WIPI2: variants seen among roughly 807,000 people sequenced by gnomAD.
The protein encoded by WIPI2 is WD repeat domain phosphoinositide-interacting protein 2.
Under a neutral mutation model 52.3 loss-of-function variants are expected in WIPI2, and 28 were observed. That is an observed-to-expected ratio of 0.54 (90% CI 0.40 to 0.73). WIPI2 has a LOEUF of 0.73. Ranked by LOEUF, WIPI2 falls within the 30% of genes least tolerant of loss-of-function variation. WIPI2 has a pLI of 0.00. For synonymous variants in WIPI2, 268 were observed against 245.0 expected (o/e 1.09, Z -0.88); for missense variants, 506 against 602.9 (o/e 0.84, Z 1.68).
rs139191182 is a variant in WIPI2 at position 5,190,962 on chromosome 7, C to T, written c.74+469C>T. ...CTTTTCATCGTCTTAAGACCCTTCT[C>T]TCTCTCTTGATTTTCTTTTCTTCGT... On this transcript the variant is annotated intron_variant, in intron 1 of 12. Coordinates refer to ENST00000288828, the MANE Select transcript of WIPI2 (RefSeq NM_015610.4). 3.6e-3 allele frequency: 566 copies of T among 156,918 alleles called. 6 individuals are homozygous for T. Among genetic ancestry groups the T allele is most frequent in the African/African-American group, 0.013 (531 of 41,656 alleles). 9.7% of individuals were successfully genotyped at this position (156,918 alleles called of 1,614,324 possible). A position where few individuals can be genotyped will look rare whatever the true frequency, so the allele number is the denominator to read the frequency against.
intron 8 of WIPI2, among the ~76,000 whole-genome samples, chr7:5,223,622 C>G (rs1283053911): frequency 6.6e-6 from 1 of 152,200 alleles, no homozygotes; most frequent in Non-Finnish European, 1.5e-5. Flanking sequence ...AACCCCCTTC[C>G]TCACCCCCGT....
chr7:5,201,999 A>G (rs964512850), intron 3 of WIPI2, among the ~76,000 whole-genome samples: 2 of 152,112 alleles, frequency 1.3e-5, no homozygotes, highest in Admixed American at 6.5e-5. Context: ...GTTAGCTACT[A>G]AGTGAAATGT....
chr7:5,191,425 G>C (rs557155692), intron 1 of WIPI2, among the ~76,000 whole-genome samples: 3 of 152,202 alleles, frequency 2.0e-5, no homozygotes, highest in Non-Finnish European at 4.4e-5. Context: ...ACTGAGCCAA[G>C]AGAGGCGTTA....
At chr7:5,217,234 T>G (rs754615500) in intron 6 of WIPI2, 47 bp downstream of exon 6, 1 of 1,597,634 alleles carries the variant, frequency 6.3e-7, no homozygotes, top group Non-Finnish European at 8.6e-7. Flanking sequence ...TGTGGCTTTT[T>G]CCTGAAGAGG....
chr7:5,229,507 G>T (rs1418206455), intron 11 of WIPI2, 101 bp from the exon 12 acceptor site: 1 of 1,422,028 alleles, frequency 7.0e-7, no homozygotes, highest in South Asian at 1.3e-5. Context: ...CCTGTGTGGT[G>T]AGTGGTGTGC....
At chr7:5,229,234 C>G (rs1349000407) in intron 11 of WIPI2, among the ~76,000 whole-genome samples, 1 of 152,058 alleles carries the variant, frequency 6.6e-6, no homozygotes, top group Non-Finnish European at 1.5e-5. Flanking sequence ...CCAGGATGGT[C>G]TCCGTCTCCT....
At chr7:5,204,839 G>C (rs896996174) in intron 3 of WIPI2, among the ~76,000 whole-genome samples, 1 of 152,116 alleles carries the variant, frequency 6.6e-6, no homozygotes, top group Admixed American at 6.5e-5. Context: ...ACACCACCAT[G>C]CCCAGCTAAT....
At chr7:5,219,202 T>G (rs1782968105) in intron 7 of WIPI2, among the ~76,000 whole-genome samples, 1 of 151,852 alleles carries the variant, frequency 6.6e-6, no homozygotes, top group African/African-American at 2.4e-5. Context: ...TAGCAAGGGC[T>G]CAGAAAGGTT....
At chr7:5,198,715 G>C (rs1781872570) in intron 2 of WIPI2, among the ~76,000 whole-genome samples, 1 of 152,168 alleles carries the variant, frequency 6.6e-6, no homozygotes, top group Non-Finnish European at 1.5e-5. Context: ...CTGATTCCTT[G>C]TGCTTATATC....
chr7:5,216,652 C>T lies in WIPI2; in HGVS notation c.471C>T (p.Asn157=). The T allele has an allele frequency of 6.2e-7, 1 of 1,614,154 alleles. No individual in the cohort carries two copies. The highest frequency in any genetic ancestry group is 8.5e-7 in the Non-Finnish European group (1 of 1,179,984). Residue 157 remains asparagine, a synonymous_variant, in exon 5 of 13, where the codon AAC becomes AAT. Transcript: ENST00000288828. ...ATACGATCAGGGAGACGCCTCCAAACCCTGCAGGTGAGCTAACTTGTGAGG... is the reference window on the plus strand; with the variant it reads ...ATACGATCAGGGAGACGCCTCCAAATCCTGCAGGTGAGCTAACTTGTGAGG... ...VLHTIRETPP[N]PAGLCALSIN... is the part of the protein sequence containing the mutation.
Position 5,227,006 on chromosome 7 carries a change from T to G in WIPI2, c.849-174T>G. On this transcript the variant is annotated intron_variant, in intron 9 of 12. Transcript: ENST00000288828. The surrounding 1 kb of genome is among the most constrained non-coding windows in gnomAD (Gnocchi z 8.1). ...TCCCCCGACACCTCCCAGAGGAAGC[T>G]CCGTGATGCCCCTGGGGCCCTGAGT... 1.2e-6 allele frequency: 1 copy of G among 820,972 alleles called. No individual in the cohort carries two copies. The highest frequency in any genetic ancestry group is 1.9e-6 in the Non-Finnish European group (1 of 532,276). The allele number at this position is 820,972 out of a possible 1,614,324, so 50.9% of individuals were successfully genotyped here.
At chr7:5,214,253 C>T in intron 3 of WIPI2, 1 of 1,375,836 alleles carries the variant, frequency 7.3e-7, no homozygotes, top group Middle Eastern at 2.8e-4. Context: ...CCTAAACTCA[C>T]CATTCAAATC....
At chr7:5,204,335 C>T (rs1053788787) in intron 3 of WIPI2, among the ~76,000 whole-genome samples, 12 of 152,088 alleles carry the variant, frequency 7.9e-5, no homozygotes, top group East Asian at 1.9e-4. Context: ...GACATGGTGG[C>T]GCGCTCCTGT....
At chr7:5,206,952 A>AT (rs971146801) in intron 3 of WIPI2, among the ~76,000 whole-genome samples, 2 of 151,832 alleles carry the variant, frequency 1.3e-5, no homozygotes, top group Non-Finnish European at 2.9e-5. Context: ...TAATTTTTCG[A>AT]TTTTTTTGTA....
intron 3 of WIPI2, among the ~76,000 whole-genome samples, chr7:5,208,144 T>C (rs556742159): frequency 5.9e-5 from 9 of 152,374 alleles, no homozygotes; most frequent in African/African-American, 2.2e-4. Context: ...TTCATGGTTT[T>C]AATTTGAATT....
rs1781409103 is a variant in WIPI2 at position 5,190,302 on chromosome 7, G to C, written c.-118G>C. 3.4e-5 allele frequency: 19 copies of C among 562,346 alleles called. No individual in the cohort carries two copies. Among genetic ancestry groups the C allele is most frequent in the Non-Finnish European group, 4.6e-5 (18 of 389,986 alleles). The allele number at this position is 562,346 out of a possible 1,614,324, so 34.8% of individuals were successfully genotyped here. A position where few individuals can be genotyped will look rare whatever the true frequency, so the allele number is the denominator to read the frequency against. On this transcript the variant is annotated 5_prime_UTR_variant, in exon 1 of 13. Coordinates refer to ENST00000288828, the MANE Select transcript of WIPI2 (RefSeq NM_015610.4). ...GGATGAGGCGGCGGTTGATCCCAGG[G>C]TGGCGAGTGGCGGCGACCGAGGCGG...
rs553454488 is a variant in WIPI2, at chr7:5,214,509, G to A, written c.212-26G>A. The A allele has an allele frequency of 4.5e-5, 72 of 1,614,074 alleles. No individual in the cohort carries two copies. In the Admixed American group the frequency reaches 5.0e-4, roughly 11 times the overall value. On this transcript the variant is annotated intron_variant, in intron 3 of 12. Transcript: ENST00000288828. ...GCCATAGCCATGTGGAGATGTTCAC[G>A]CATGTACTTCCCTTTGTGATTTCAG...
Position 5,199,627 on chromosome 7 carries a change from T to C in WIPI2, c.180T>C (p.Ser60=), listed in dbSNP as rs1022370689. 5.6e-6 allele frequency: 9 copies of C among 1,613,418 alleles called. No homozygotes were observed. The highest frequency in any genetic ancestry group is 7.6e-6 in the Non-Finnish European group (9 of 1,179,920). Residue 60 remains serine (S), a synonymous_variant, in exon 3 of 13, where the codon TCT becomes TCC. Coordinates refer to ENST00000288828, the MANE Select transcript of WIPI2 (RefSeq NM_015610.4). ...KSGYKFFSLS[S]VDKLEQIYEC... is the part of the protein sequence containing the mutation. ...GTTATAAATTTTTCTCCCTTTCTTCTGTGGATAAGCTGGAACAGATCTATG... is the reference window on the plus strand; with the variant it reads ...GTTATAAATTTTTCTCCCTTTCTTCCGTGGATAAGCTGGAACAGATCTATG...
chr7:5,222,571 C>A, intron 7 of WIPI2, 31 bp from the exon 8 acceptor site: 1 of 1,605,388 alleles, frequency 6.2e-7, no homozygotes, highest in South Asian at 1.1e-5. Context: ...TAACTCAGCT[C>A]AAATTCTTCT....
Sources: gnomAD v4.1 joint callset for allele counts (sites outside exome capture counted in the v4.1 genomes callset) on GRCh38, gnomAD v4.1.1 for gene constraint, Gnocchi (gnomAD v3.1) non-coding constraint, MANE v1.5 for transcripts, NCBI Gene and HGNC (gene_info 2026-07-23, HGNC 2026-07-21) for gene names.